The following TFEB variants were observed in gnomAD, a reference collection of about 807,000 sequenced individuals.
TFEB encodes transcription factor EB.
TFEB carries 12 observed loss-of-function variants against 48.0 expected under a neutral mutation model. That is an observed-to-expected ratio of 0.25 (90% confidence interval 0.16 to 0.40). The LOEUF (loss-of-function observed/expected upper bound fraction) is 0.40. TFEB is among the 10% of genes least tolerant of loss of function. The pLI, the probability that TFEB is intolerant of heterozygous loss-of-function variation, is 1.00. For synonymous variants in TFEB, 244 were observed against 261.4 expected, an observed-to-expected ratio of 0.93 and a Z score of 0.64; for missense variants, 509 against 640.3, an observed-to-expected ratio of 0.79 and a Z score of 2.21.
upstream of TFEB, chr6:41,736,154 G>A: frequency 2.5e-6 from 4 of 1,612,918 alleles, no homozygotes; most frequent in Non-Finnish European, 3.4e-6. Context: ...ACCAGCCTGA[G>A]CTTGCTGTCA....
intron 1 of TFEB, among the ~76,000 whole-genome samples, chr6:41,697,966 A>AT (rs1769697253): frequency 6.6e-6 from 1 of 152,156 alleles, no homozygotes; most frequent in Non-Finnish European, 1.5e-5. Flanking sequence ...AACCATAAGT[A>AT]TTTTGTGTGG....
intron 1 of TFEB, among the ~76,000 whole-genome samples, chr6:41,728,783 G>A (rs1358979237): frequency 1.3e-5 from 2 of 152,138 alleles, no homozygotes; most frequent in Non-Finnish European, 2.9e-5. Context: ...TGCGGGGAGG[G>A]AGACAGGGCA....
intron 1 of TFEB, chr6:41,733,145 TGAG>T: frequency 1.4e-6 from 1 of 717,206 alleles, no homozygotes; most frequent in Non-Finnish European, 1.7e-6. Flanking sequence ...CAGCCAGACT[TGAG>T]GGGTGGGAGT....
In TFEB at chr6:41,735,361, GGTCAATCT is replaced by G. The variant is rs1257953271; in HGVS notation, c.-42_-35del. 3.0e-6 allele frequency: 3 copies of G among 985,274 alleles called. No individual in the cohort carries two copies. The highest frequency in any genetic ancestry group is 3.6e-6 in the Non-Finnish European group (3 of 830,180). The allele number at this position is 985,274 out of a possible 1,614,324, so 61.0% of individuals were successfully genotyped here. A position where few individuals can be genotyped will look rare whatever the true frequency, so the allele number is the denominator to read the frequency against. ...CCGGTCCCGCTCACCTCGCTCTGAA[GGTCAATCT>G]GTCCGCCGCCCGCGCCCCGCGGCTC... On this transcript the variant is annotated 5_prime_UTR_variant, in exon 1 of 9. Coordinates refer to ENST00000373033, the MANE Select transcript of TFEB (RefSeq NM_001271944.2).
chr6:41,701,983 AAGTCACACTGCAAG>A (rs2127457019), intron 1 of TFEB, among the ~76,000 whole-genome samples: 1 of 151,572 alleles, frequency 6.6e-6, no homozygotes, highest in East Asian at 1.9e-4. Context: ...AGCTTGTCAG[AAGTCACACTGCAAG>A]AGCACAGTGA....
intron 1 of TFEB, 120 bp downstream of exon 1, chr6:41,735,230 T>C (rs1386903910): frequency 3.2e-5 from 30 of 928,624 alleles, no homozygotes; most frequent in Non-Finnish European, 3.9e-5. Flanking sequence ...CCTGCTTCCC[T>C]CTCCTGCCGG....
chr6:41,732,753 T>C, intron 1 of TFEB: 1 of 985,926 alleles, frequency 1.0e-6, no homozygotes, highest in South Asian at 4.7e-5. Flanking sequence ...TACATGCATA[T>C]ATGTTCACTG....
At chr6:41,710,860 C>T (rs950700902) in intron 1 of TFEB, among the ~76,000 whole-genome samples, 4 of 152,174 alleles carry the variant, frequency 2.6e-5, no homozygotes, top group African/African-American at 9.7e-5. Flanking sequence ...CTCCTCCTCC[C>T]GACAGCACAC....
At chr6:41,694,240 CA>C (rs1196974975) in intron 1 of TFEB, among the ~76,000 whole-genome samples, 1 of 152,216 alleles carries the variant, frequency 6.6e-6, no homozygotes, top group East Asian at 1.9e-4. Flanking sequence ...CTCATCTGCA[CA>C]ATGGACTTGG....
chr6:41,698,919 C>A (rs1253891076), intron 1 of TFEB, among the ~76,000 whole-genome samples: 4 of 152,228 alleles, frequency 2.6e-5, no homozygotes, highest in African/African-American at 9.7e-5. Flanking sequence ...ATGGACAAAG[C>A]CATTCCACAT....
At chr6:41,712,867 C>T (rs1581916819) in intron 1 of TFEB, among the ~76,000 whole-genome samples, 1 of 152,162 alleles carries the variant, frequency 6.6e-6, no homozygotes, top group African/African-American at 2.4e-5. Flanking sequence ...ACAGCTCTTT[C>T]CAGGGGTGAG....
rs1430520918 is a variant in TFEB, at chr6:41,702,784, T to C, written c.-22-11549A>G. Among the ~76,000 whole-genome samples the C allele has an allele frequency of 7.9e-5, 12 of 152,274 alleles. No homozygotes were observed. In the East Asian group the frequency reaches 2.3e-3, roughly 29 times the overall value. ...CCTCCACAGGCCCAGCACAAAAGCCTACCTAAGGCCAGAGTGGGACTGGAA... is the reference window on the plus strand; with the variant it reads ...CCTCCACAGGCCCAGCACAAAAGCCCACCTAAGGCCAGAGTGGGACTGGAA... On this transcript the variant is annotated intron_variant, in intron 1 of 8. Transcript: ENST00000373033.
At position 41,714,122 on chromosome 6, in the gene TFEB, T is replaced by C. The variant is rs558682847; in HGVS notation, c.-23+21228A>G. ...GTGTGTGTGTGCACGTGTGTGTGTG[T>C]GTGCGTGTGCATGTGTGCGTGTGTG... is the stretch of plus-strand genomic sequence containing the variant. On this transcript the variant is annotated intron_variant, in intron 1 of 8. Coordinates refer to ENST00000373033, the MANE Select transcript of TFEB (RefSeq NM_001271944.2). Among the ~76,000 whole-genome samples the C allele has an allele frequency of 2.8e-4, 38 of 134,880 alleles. No homozygotes were observed. The East Asian group carries it at 6.5e-3, about 23-fold the overall frequency. 88.5% of individuals were successfully genotyped at this position (134,880 alleles called of 152,430 possible). A position where few individuals can be genotyped will look rare whatever the true frequency, so the allele number is the denominator to read the frequency against.
At chr6:41,731,701 T>C (rs1771457583) in intron 1 of TFEB, among the ~76,000 whole-genome samples, 1 of 152,210 alleles carries the variant, frequency 6.6e-6, no homozygotes, top group Non-Finnish European at 1.5e-5. Flanking sequence ...TGCCGTCCCA[T>C]TCTCACCCAA....
intron 3 of TFEB, among the ~76,000 whole-genome samples, 158 bp downstream of exon 3, chr6:41,690,505 C>G (rs543699669): frequency 1.3e-5 from 2 of 152,176 alleles, no homozygotes; most frequent in African/African-American, 4.8e-5. Context: ...TGTCTTCCCC[C>G]CTGAGATTGG....
intron 1 of TFEB, among the ~76,000 whole-genome samples, chr6:41,692,352 G>A (rs1769360236): frequency 6.6e-6 from 1 of 152,188 alleles, no homozygotes; most frequent in Non-Finnish European, 1.5e-5. Flanking sequence ...GCCAGGCAAT[G>A]GGGATACAAC....
In TFEB at chr6:41,684,974, G is replaced by C. The variant is rs758600931; in HGVS notation, c.1056C>G (p.Ser352Arg). The change falls in exon 9 of 9, where the codon AGC (serine) becomes AGG (arginine). Residue 352 changes from serine (S) to arginine (R), a missense_variant. Around this residue, in one of 4 missense-constraint regions of TFEB, gnomAD observed 62 missense variants for 90.2 expected, o/e 0.69. Transcript: ENST00000373033. ...AQQVVKQELP[S>R]EEGPGEALML... Reference sequence around the variant, plus strand: ...TCAGGGCCTCCCCTGGGCCCTCTTCGCTAGGCAGCTCCTGCTTCACCACCT... The same window carrying C: ...TCAGGGCCTCCCCTGGGCCCTCTTCCCTAGGCAGCTCCTGCTTCACCACCT... 1.9e-6 allele frequency: 3 copies of C among 1,576,224 alleles called. No homozygotes were observed. The highest frequency in any genetic ancestry group is 2.6e-6 in the Non-Finnish European group (3 of 1,161,424).
intron 1 of TFEB, among the ~76,000 whole-genome samples, chr6:41,707,451 T>G (rs1246981488): frequency 6.6e-6 from 1 of 152,166 alleles, no homozygotes; most frequent in East Asian, 1.9e-4. Context: ...TCAGAGGGGC[T>G]GTGACTTGGC....
At chr6:41,713,972 A>C (rs1770597380) in intron 1 of TFEB, among the ~76,000 whole-genome samples, 1 of 152,218 alleles carries the variant, frequency 6.6e-6, no homozygotes, top group African/African-American at 2.4e-5. Flanking sequence ...AGAGTGGGCC[A>C]CACCACATCC....
Sources: gnomAD v4.1 joint callset for allele counts (sites outside exome capture counted in the v4.1 genomes callset) on GRCh38, gnomAD v4.1.1 for gene constraint, gnomAD v4.1.1 regional missense constraint, MANE v1.5 for transcripts, NCBI Gene and HGNC (gene_info 2026-07-23, HGNC 2026-07-21) for gene names.